WDR7: variants seen among roughly 807,000 people sequenced by gnomAD.
The protein encoded by WDR7 is WD repeat domain 7.
A neutral mutation model predicts 169.4 loss-of-function variants in WDR7; 46 were observed. The observed-to-expected ratio is 0.27, with a 90% CI of 0.21 to 0.35. The LOEUF (loss-of-function observed/expected upper bound fraction) is 0.35. Ranked by LOEUF, WDR7 falls within the 10% of genes least tolerant of loss-of-function variation. The pLI is 1.00. For synonymous variants in WDR7, 612 were observed against 666.8 expected, an observed-to-expected ratio of 0.92 and a Z score of 1.27; for missense variants, 1,534 against 1,859.3, an observed-to-expected ratio of 0.83 and a Z score of 3.22.
At position 56,757,242 on chromosome 18, in the gene WDR7, C is replaced by A; in HGVS notation, c.2649C>A (p.Ser883=). Residue 883 remains serine, a synonymous_variant, in exon 15 of 28, where the codon TCC becomes TCA. Coordinates refer to ENST00000254442, the MANE Select transcript of WDR7 (RefSeq NM_015285.3). ...EGVGKGTYGV[S]RAVTTQHLLS... is the part of the protein sequence containing the mutation. ...TAGGAAAGGGAACTTACGGAGTGTC[C>A]CGTGCCGTCACCACACAGCATCTCC... 1 of 1,614,036 alleles carries A rather than the reference C, an allele frequency of 6.2e-7. No individual in the cohort carries two copies. The highest frequency in any genetic ancestry group is 8.5e-7 in the Non-Finnish European group (1 of 1,180,018).
At chr18:56,782,532 A>G (rs1164036714) in intron 19 of WDR7, among the ~76,000 whole-genome samples, 2 of 152,086 alleles carry the variant, frequency 1.3e-5, no homozygotes, top group South Asian at 2.1e-4. Context: ...TATTCATTGT[A>G]AGATAAATTT....
intron 21 of WDR7, among the ~76,000 whole-genome samples, chr18:56,899,646 A>G (rs1292250932): frequency 6.6e-6 from 1 of 152,086 alleles, no homozygotes; most frequent in African/African-American, 2.4e-5. Flanking sequence ...AAAGCTACCC[A>G]TGGGAATTAG....
rs1382150365 is a variant in WDR7 at position 56,718,062 on chromosome 18, C to T, written c.1677C>T (p.His559=). The part of the protein sequence containing the change: ...EKKCIMLASR[H]LFPIQVIKWR... The stretch of plus-strand genomic sequence containing the variant: ...AATGCATAATGTTGGCATCTCGTCA[C>T]CTTTTTCCTATTCAAGTAATCAAAT... Residue 559 remains histidine, a synonymous_variant, in exon 13 of 28, where the codon CAC becomes CAT. Transcript: ENST00000254442. The T allele has an allele frequency of 1.9e-6, 3 of 1,614,122 alleles. No individual in the cohort carries two copies. The highest frequency in any genetic ancestry group is 2.2e-5 in the East Asian group (1 of 44,866).
intron 26 of WDR7, among the ~76,000 whole-genome samples, chr18:56,988,589 AAGTGTG>A (rs1408832296): frequency 2.1e-5 from 2 of 95,498 alleles, no homozygotes; most frequent in Non-Finnish European, 2.1e-5. Flanking sequence ...CATGGAAGGC[AAGTGTG>A]TGTGTGTGTG....
At chr18:56,786,668 A>G (rs1362122820) in intron 19 of WDR7, among the ~76,000 whole-genome samples, 1 of 152,082 alleles carries the variant, frequency 6.6e-6, no homozygotes, top group African/African-American at 2.4e-5. Flanking sequence ...TATCGTGAGT[A>G]TGTAAACTTT....
intron 12 of WDR7, among the ~76,000 whole-genome samples, chr18:56,715,991 ACT>A (rs1286506537): frequency 6.8e-6 from 1 of 148,040 alleles, no homozygotes; most frequent in Non-Finnish European, 1.5e-5. Context: ...ATTGTATTGA[ACT>A]CTCTGTTGCT....
chr18:56,687,082 C>T, intron 7 of WDR7, 108 bp downstream of exon 7: 1 of 1,056,416 alleles, frequency 9.5e-7, no homozygotes. Context: ...CTATTTTCAT[C>T]ATTTAGAATT....
intron 19 of WDR7, among the ~76,000 whole-genome samples, chr18:56,782,453 T>C (rs190167842): frequency 1.4e-4 from 21 of 152,196 alleles, no homozygotes; most frequent in Non-Finnish European, 2.6e-4. Flanking sequence ...ATTTTGCTCT[T>C]AATTATATTG....
intron 1 of WDR7, among the ~76,000 whole-genome samples, chr18:56,671,967 G>T (rs572071775): frequency 6.6e-6 from 1 of 152,282 alleles, no homozygotes; most frequent in Non-Finnish European, 1.5e-5. Context: ...TCTGAGAACG[G>T]TTTGACCTGT....
intron 26 of WDR7, among the ~76,000 whole-genome samples, chr18:56,988,942 G>GT (rs138307793): frequency 0.013 from 1,985 of 151,906 alleles, 52 homozygotes; most frequent in African/African-American, 0.046. Flanking sequence ...AATAATTTAT[G>GT]TTTTTTTATA....
chr18:56,924,752 A>G (rs777033609), intron 22 of WDR7, among the ~76,000 whole-genome samples: 1 of 152,220 alleles, frequency 6.6e-6, no homozygotes, highest in Non-Finnish European at 1.5e-5. Flanking sequence ...GATTCCTGCA[A>G]AGAGTTCTTT....
intron 20 of WDR7, among the ~76,000 whole-genome samples, chr18:56,847,928 C>G (rs749181474): frequency 2.6e-5 from 4 of 152,238 alleles, no homozygotes. Context: ...GGGGCACAGT[C>G]CCTGCAGGAA....
chr18:56,867,010 C>CTTAT (rs200285872), intron 20 of WDR7, among the ~76,000 whole-genome samples: 4,577 of 148,552 alleles, frequency 0.031, 112 homozygotes, highest in African/African-American at 0.072. Context: ...TATTTACTTA[C>CTTAT]TTATTTATTT....
intron 22 of WDR7, among the ~76,000 whole-genome samples, chr18:56,933,790 C>T (rs551196773): frequency 2.0e-5 from 3 of 152,312 alleles, no homozygotes; most frequent in Non-Finnish European, 4.4e-5. Context: ...CTGTATCAAC[C>T]ACTTCATAGG....
In WDR7 at chr18:56,694,698, C is replaced by G; in HGVS notation, c.1046C>G (p.Ser349Cys). 6.2e-7 allele frequency: 1 copy of G among 1,613,404 alleles called. No homozygotes were observed. Among genetic ancestry groups the G allele is most frequent in the African/African-American group, 1.3e-5 (1 of 75,008 alleles). The change falls in exon 10 of 28, where the codon TCT becomes TGT. Residue 349 changes from serine to cysteine, a missense_variant. Transcript: ENST00000254442. ...CATAAACTGTTAATTCAGGGTGATTCTTCTGGAAGGTTGAATATTTGGAAC... is the reference window on the plus strand; with the variant it reads ...CATAAACTGTTAATTCAGGGTGATTGTTCTGGAAGGTTGAATATTTGGAAC... ...YFHKLLIQGDSSGRLNIWNIS... is the reference protein window; with the variant it reads ...YFHKLLIQGDCSGRLNIWNIS...
rs17683276 is a variant in WDR7, at chr18:56,858,018, A to G, written c.3305-21926A>G. On this transcript the variant is annotated intron_variant, in intron 20 of 27. Coordinates refer to ENST00000254442, the MANE Select transcript of WDR7 (RefSeq NM_015285.3). ...CTTGTTACACTCATCATTACCTATC[A>G]CCTGACTGGGAATCATTTCCAGCTT... Among the ~76,000 whole-genome samples the G allele has an allele frequency of 8.6e-3, 1,303 of 151,994 alleles. 10 individuals are homozygous for G. The highest frequency in any genetic ancestry group is 0.014 in the Middle Eastern group (4 of 294).
At chr18:57,036,508 C>G in the WDR7 span, 6 of 152,454 alleles carry the variant, frequency 3.9e-5, no homozygotes, top group African/African-American at 1.2e-4. Context: ...AACTCTGTTG[C>G]AACCACATCA....
intron 19 of WDR7, among the ~76,000 whole-genome samples, chr18:56,792,823 C>T (rs8086565): frequency 0.96 from 146,255 of 152,068 alleles, 70,609 homozygotes; most frequent in East Asian, 1. Flanking sequence ...TACACTATGA[C>T]ACAGGGCAGA....
At chr18:56,698,158 G>A (rs932165959) in intron 12 of WDR7, among the ~76,000 whole-genome samples, 5 of 151,550 alleles carry the variant, frequency 3.3e-5, no homozygotes, top group Admixed American at 2.6e-4. Flanking sequence ...TCGTACCCTT[G>A]CACTCCAACC....
Sources: allele counts gnomAD v4.1 joint callset (sites outside exome capture counted in the v4.1 genomes callset), GRCh38; gene constraint gnomAD v4.1.1; transcripts MANE v1.5; gene names NCBI Gene and HGNC (gene_info 2026-07-23, HGNC 2026-07-21).